DLG2: variants seen among roughly 807,000 people sequenced by gnomAD.
The protein encoded by DLG2 is disks large homolog 2.
DLG2 carries 45 observed loss-of-function variants against 132.5 expected under a neutral mutation model. The ratio of observed to expected loss-of-function variants is 0.34; its 90% confidence interval spans 0.27 to 0.44. The LOEUF (loss-of-function observed/expected upper bound fraction) is 0.44, where lower values mean the gene tolerates loss of function less well. Among genes scored for constraint, DLG2 ranks in the 20% least tolerant of loss-of-function variants. The probability of loss-of-function intolerance (pLI) is 1.00; values close to 1 mark genes in which losing one functional copy is unlikely to be tolerated. For missense variants in DLG2, 1,045 were observed against 1,196.9 expected, an observed-to-expected ratio of 0.87 and a Z score of 1.87; for synonymous variants, 424 against 419.6, an observed-to-expected ratio of 1.01 and a Z score of -0.13.
intron 6 of DLG2, among the ~76,000 whole-genome samples, chr11:84,926,037 ACAACACATTC>A (rs527720427): frequency 4.7e-4 from 71 of 152,276 alleles, no homozygotes; most frequent in African/African-American, 1.7e-3. Context: ...GAAACTATTT[ACAACACATTC>A]CATTGGGAAT....
chr11:84,534,466 T>C, intron 7 of DLG2, 104 bp downstream of exon 7: 1 of 1,195,980 alleles, frequency 8.4e-7, no homozygotes, highest in East Asian at 2.3e-5. Flanking sequence ...TCCTCTATCA[T>C]GTTTTAAAAG....
chr11:85,415,044 T>G (rs182588876), intron 3 of DLG2, among the ~76,000 whole-genome samples: 16 of 152,220 alleles, frequency 1.1e-4, no homozygotes, highest in Non-Finnish European at 1.6e-4. Flanking sequence ...CAGTGTATGA[T>G]GTACCTCTCC....
chr11:84,194,796 C>T (rs2096483809), intron 8 of DLG2, among the ~76,000 whole-genome samples: 1 of 152,234 alleles, frequency 6.6e-6, no homozygotes, highest in African/African-American at 2.4e-5. Context: ...CCTGCCAGTC[C>T]CACACCCTGC....
At chr11:84,270,543 G>A (rs930211550) in intron 7 of DLG2, among the ~76,000 whole-genome samples, 2 of 152,124 alleles carry the variant, frequency 1.3e-5, no homozygotes, top group African/African-American at 2.4e-5. Flanking sequence ...GGTTCCCTGG[G>A]GGCAGATTAT....
At chr11:85,138,037 A>G (rs563894251) in intron 5 of DLG2, among the ~76,000 whole-genome samples, 133 of 152,326 alleles carry the variant, frequency 8.7e-4, no homozygotes, top group African/African-American at 3.2e-3. Flanking sequence ...CTTACAAAAA[A>G]ATATAAAAAC....
At chr11:85,411,404 A>C (rs2089298854) in intron 3 of DLG2, among the ~76,000 whole-genome samples, 1 of 151,850 alleles carries the variant, frequency 6.6e-6, no homozygotes, top group Non-Finnish European at 1.5e-5. Flanking sequence ...AGACATTATA[A>C]GAGAGGGTAC....
At chr11:84,230,851 A>G (rs1357731762) in intron 8 of DLG2, among the ~76,000 whole-genome samples, 3 of 152,174 alleles carry the variant, frequency 2.0e-5, no homozygotes, top group Admixed American at 6.5e-5. Context: ...TAAAGACAAC[A>G]TGAGTATCTT....
chr11:83,885,059 C>T (rs7927296), intron 15 of DLG2, among the ~76,000 whole-genome samples: 3,075 of 152,286 alleles, frequency 0.02, 109 homozygotes, highest in African/African-American at 0.069. Flanking sequence ...TCCAAAGGAA[C>T]GCAGTTTCTC....
At chr11:84,705,193 A>T (rs1452665501) in intron 6 of DLG2, among the ~76,000 whole-genome samples, 1 of 151,710 alleles carries the variant, frequency 6.6e-6, no homozygotes, top group East Asian at 1.9e-4. Flanking sequence ...AGGGACTGGG[A>T]ATTCTAACGT....
chr11:84,959,591 C>T (rs780526584), intron 6 of DLG2, among the ~76,000 whole-genome samples: 38 of 152,260 alleles, frequency 2.5e-4, no homozygotes, highest in Non-Finnish European at 5.0e-4. Context: ...TGCCTACTAC[C>T]ATGTTAGTTT....
At chr11:83,599,977 T>C (rs1189638999) in intron 19 of DLG2, among the ~76,000 whole-genome samples, 1 of 152,226 alleles carries the variant, frequency 6.6e-6, no homozygotes, top group African/African-American at 2.4e-5. Flanking sequence ...AGTGTTTTGA[T>C]CCTTGAGATT....
chr11:84,008,858 G>T (rs924274056), intron 11 of DLG2, among the ~76,000 whole-genome samples: 2 of 151,510 alleles, frequency 1.3e-5, no homozygotes, highest in South Asian at 2.1e-4. Context: ...GTTGTCATTA[G>T]GTGGATCACT....
intron 18 of DLG2, among the ~76,000 whole-genome samples, chr11:83,686,284 C>T (rs2079745167): frequency 6.6e-6 from 1 of 152,172 alleles, no homozygotes; most frequent in South Asian, 2.1e-4. Flanking sequence ...GAAGAGATTT[C>T]TCTGACATCC....
chr11:84,216,815 G>A (rs1398651910), intron 8 of DLG2, among the ~76,000 whole-genome samples: 1 of 152,270 alleles, frequency 6.6e-6, no homozygotes, highest in South Asian at 2.1e-4. Flanking sequence ...CTTAAATATG[G>A]TAGGAATTTC....
chr11:84,908,523 G>A (rs1410706693), intron 6 of DLG2, among the ~76,000 whole-genome samples: 1 of 152,032 alleles, frequency 6.6e-6, no homozygotes, highest in Non-Finnish European at 1.5e-5. Flanking sequence ...GTTTAGACTT[G>A]AAATTTATTG....
intron 8 of DLG2, among the ~76,000 whole-genome samples, chr11:84,216,447 T>C (rs908119915): frequency 2.6e-5 from 4 of 152,172 alleles, no homozygotes; most frequent in African/African-American, 9.7e-5. Context: ...TACACTATAA[T>C]AGGAATCTTT....
chr11:84,547,688 C>T (rs1318423399), intron 6 of DLG2, among the ~76,000 whole-genome samples: 2 of 152,122 alleles, frequency 1.3e-5, no homozygotes, highest in Non-Finnish European at 2.9e-5. Flanking sequence ...TTATTCTGTG[C>T]TCCCATGTCT....
chr11:84,298,675 G>C lies in DLG2; in HGVS notation c.520-47384C>G, dbSNP rs570421511. On this transcript the variant is annotated intron_variant, in intron 7 of 27. Coordinates refer to ENST00000376104, the MANE Select transcript of DLG2 (RefSeq NM_001142699.3). The stretch of plus-strand genomic sequence containing the variant: ...GTGGGCATATTTTCCACATTTTGTG[G>C]GAGCACAGAGAAATGAAGCCCTCAA... Among the ~76,000 whole-genome samples the C allele has an allele frequency of 9.9e-5, 15 of 152,240 alleles. No homozygotes were observed. The South Asian group carries it at 3.1e-3, about 32-fold the overall frequency.
At chr11:85,513,572 C>T (rs1455429616) in intron 3 of DLG2, among the ~76,000 whole-genome samples, 3 of 151,958 alleles carry the variant, frequency 2.0e-5, no homozygotes, top group Middle Eastern at 3.4e-3. Flanking sequence ...TCAATGAGCA[C>T]TTATCTTTCA....
Sources: allele counts gnomAD v4.1 joint callset (sites outside exome capture counted in the v4.1 genomes callset), GRCh38; gene constraint gnomAD v4.1.1; transcripts MANE v1.5; gene names NCBI Gene and HGNC (gene_info 2026-07-23, HGNC 2026-07-21).